CREB5: variants seen among roughly 807,000 people sequenced by gnomAD.
CREB5 encodes the protein cyclic AMP-responsive element-binding protein 5.
Under a neutral mutation model 57.1 loss-of-function variants are expected in CREB5, and 19 were observed. The observed-to-expected ratio is 0.33, with a 90% confidence interval of 0.23 to 0.49. CREB5 has a LOEUF of 0.49. Ranked by LOEUF, CREB5 falls within the 20% of genes least tolerant of loss-of-function variation. CREB5 has a pLI of 0.99. For synonymous variants in CREB5, 238 were observed against 238.3 expected (o/e 1.00, Z 0.01); for missense variants, 579 against 671.6 (o/e 0.86, Z 1.52).
intron 5 of CREB5, among the ~76,000 whole-genome samples, chr7:28,710,663 C>T (rs557363903): frequency 6.6e-6 from 1 of 152,244 alleles, no homozygotes; most frequent in Admixed American, 6.5e-5. Context: ...AATCAGGAAG[C>T]TGAAATGGTC....
chr7:28,722,568 A>G lies in CREB5; in HGVS notation c.592-1654A>G, dbSNP rs138039831. On this transcript the variant is annotated intron_variant, in intron 6 of 10. Transcript: ENST00000357727. Reference sequence around the variant, plus strand: ...ATACTTTTAAAAGGTTAAAATGGTAATTTTATGTTATTTGTGTTTTACCAC... The same window carrying G: ...ATACTTTTAAAAGGTTAAAATGGTAGTTTTATGTTATTTGTGTTTTACCAC... 2.9e-3 allele frequency among the ~76,000 whole-genome samples: 442 copies of G among 152,326 alleles called. 2 individuals carry two copies. The highest frequency in any genetic ancestry group is 0.01 in the African/African-American group (427 of 41,568).
intron 5 of CREB5, among the ~76,000 whole-genome samples, chr7:28,709,492 A>G (rs1432608063): frequency 2.6e-5 from 4 of 152,194 alleles, no homozygotes; most frequent in Admixed American, 6.5e-5. Flanking sequence ...CAGAATGATC[A>G]TAAATTCGGA....
chr7:28,626,868 C>A (rs966175103), intron 5 of CREB5, among the ~76,000 whole-genome samples: 1 of 152,046 alleles, frequency 6.6e-6, no homozygotes, highest in Non-Finnish European at 1.5e-5. Context: ...GGAAAGGGGC[C>A]CCAGGACGGC....
intron 5 of CREB5, among the ~76,000 whole-genome samples, chr7:28,654,891 AG>A (rs1405494180): frequency 6.6e-6 from 1 of 152,100 alleles, no homozygotes; most frequent in Non-Finnish European, 1.5e-5. Flanking sequence ...ACTCAGACCT[AG>A]TCGGGGTTTA....
At chr7:28,619,437 C>T (rs1358113253) in intron 5 of CREB5, among the ~76,000 whole-genome samples, 6 of 152,166 alleles carry the variant, frequency 3.9e-5, no homozygotes, top group African/African-American at 2.4e-5. Context: ...CTAGAGTGGA[C>T]TTTGAGAGCG....
At chr7:28,464,566 A>G (rs1292853603) in intron 1 of CREB5, among the ~76,000 whole-genome samples, 1 of 146,948 alleles carries the variant, frequency 6.8e-6, no homozygotes, top group Non-Finnish European at 1.5e-5. Flanking sequence ...TGCTTGTTGC[A>G]TGTTTATTCA....
intron 5 of CREB5, among the ~76,000 whole-genome samples, chr7:28,621,361 G>T (rs1225397855): frequency 6.6e-5 from 10 of 152,112 alleles, no homozygotes; most frequent in African/African-American, 2.4e-4. Context: ...TACCCCTTTT[G>T]CCCCAAAATA....
intron 5 of CREB5, among the ~76,000 whole-genome samples, chr7:28,611,489 TAAAAAAAA>T (rs59192497): frequency 3.1e-4 from 15 of 47,982 alleles, no homozygotes; most frequent in African/African-American, 1.0e-3. Flanking sequence ...CCATCTCTAC[TAAAAAAAA>T]AAAAAAAAAA....
At chr7:28,660,527 CA>C (rs1420989729) in intron 5 of CREB5, among the ~76,000 whole-genome samples, 1 of 151,800 alleles carries the variant, frequency 6.6e-6, no homozygotes, top group Non-Finnish European at 1.5e-5. Context: ...AATAATCACT[CA>C]AACAAATGGA....
intron 5 of CREB5, among the ~76,000 whole-genome samples, chr7:28,627,910 G>C (rs41296): frequency 0.066 from 10,011 of 152,100 alleles, 1,151 homozygotes; most frequent in African/African-American, 0.23. Context: ...GTGTGAGGCT[G>C]CTTCTATTTC....
chr7:28,785,801 G>A (rs1364300233), intron 7 of CREB5, among the ~76,000 whole-genome samples: 3 of 152,160 alleles, frequency 2.0e-5, no homozygotes, highest in Non-Finnish European at 2.9e-5. Context: ...TATTGTGCTT[G>A]TGAAGCTCCA....
intron 7 of CREB5, among the ~76,000 whole-genome samples, chr7:28,737,568 TATATATATATATA>T (rs1475903612): frequency 1.5e-3 from 87 of 56,982 alleles, no homozygotes; most frequent in African/African-American, 4.8e-3. Flanking sequence ...TATATATATA[TATATATATATATA>T]TATATATTTT....
chr7:28,776,199 G>GCA (rs1806622495), intron 7 of CREB5, among the ~76,000 whole-genome samples: 1 of 152,068 alleles, frequency 6.6e-6, no homozygotes, highest in Non-Finnish European at 1.5e-5. Flanking sequence ...TTAGCCGGGT[G>GCA]TGGTGGCGGG....
chr7:28,512,649 G>C (rs150599), intron 4 of CREB5, among the ~76,000 whole-genome samples: 103,788 of 138,326 alleles, frequency 0.75, 36,219 homozygotes, highest in Middle Eastern at 0.82. Flanking sequence ...TATAATAACT[G>C]TGTGTGTGTG....
At chr7:28,711,429 T>A (rs981206549) in intron 5 of CREB5, among the ~76,000 whole-genome samples, 1 of 152,236 alleles carries the variant, frequency 6.6e-6, no homozygotes, top group African/African-American at 2.4e-5. Context: ...CTTCTTTGTG[T>A]CATTTGTTAA....
chr7:28,551,459 G>A (rs544197072), intron 4 of CREB5, among the ~76,000 whole-genome samples: 9 of 152,066 alleles, frequency 5.9e-5, no homozygotes, highest in East Asian at 1.9e-4. Context: ...ATTCCTTCCC[G>A]GGTTCATATT....
intron 5 of CREB5, among the ~76,000 whole-genome samples, chr7:28,591,796 A>G (rs1796530864): frequency 6.6e-6 from 1 of 152,182 alleles, no homozygotes; most frequent in Non-Finnish European, 1.5e-5. Flanking sequence ...ACTATATGCA[A>G]TGCTAATATA....
chr7:28,521,145 G>C (rs1404335433), intron 4 of CREB5, among the ~76,000 whole-genome samples: 9 of 151,382 alleles, frequency 5.9e-5, no homozygotes, highest in Non-Finnish European at 1.5e-5. Context: ...TGTGTGTGTG[G>C]GCATGCAAGT....
chr7:28,626,373 C>G (rs912142558), intron 5 of CREB5, among the ~76,000 whole-genome samples: 1 of 152,094 alleles, frequency 6.6e-6, no homozygotes, highest in African/African-American at 2.4e-5. Context: ...GGCTATATGC[C>G]CAGGCTTGTT....
Sources: allele counts gnomAD v4.1 joint callset (sites outside exome capture counted in the v4.1 genomes callset), GRCh38; gene constraint gnomAD v4.1.1; transcripts MANE v1.5; gene names NCBI Gene and HGNC (gene_info 2026-07-23, HGNC 2026-07-21).